Variants in GPC6 observed in about 807,000 individuals in gnomAD.
GPC6 encodes glypican-6.
In GPC6, 14 loss-of-function variants were observed where a neutral mutation model predicts 55.2. The observed-to-expected ratio is 0.25, with a 90% CI of 0.17 to 0.40. GPC6 has a LOEUF of 0.40. Among genes scored for constraint, GPC6 ranks in the 10% least tolerant of loss-of-function variants. GPC6 has a pLI of 1.00. For missense variants in GPC6, 641 were observed against 708.5 expected (o/e 0.90, Z 1.08); for synonymous variants, 278 against 259.6 (o/e 1.07, Z -0.68).
chr13:93,599,125 T>C (rs1169496886), intron 2 of GPC6, among the ~76,000 whole-genome samples: 1 of 152,198 alleles, frequency 6.6e-6, no homozygotes, highest in Non-Finnish European at 1.5e-5. Flanking sequence ...TTTACAATTA[T>C]TGAAATTATA....
rs540877944 is a variant in GPC6, at chr13:94,216,755, A to G, written c.878-69594A>G. On this transcript the variant is annotated intron_variant, in intron 4 of 8. Transcript: ENST00000377047. ...TCAGTTCATAAACTGTGATAAGACC[A>G]GCCTTTACTCCACTCCAGCCCAAAC... Among the ~76,000 whole-genome samples the G allele has an allele frequency of 4.1e-3, 630 of 152,328 alleles. 1 individual carries two copies. The highest frequency in any genetic ancestry group is 6.0e-3 in the Non-Finnish European group (411 of 68,032).
At chr13:93,641,460 A>T (rs747017843) in intron 2 of GPC6, among the ~76,000 whole-genome samples, 4 of 152,124 alleles carry the variant, frequency 2.6e-5, no homozygotes, top group Non-Finnish European at 4.4e-5. Context: ...TGCTTAACAC[A>T]CGAAGATCTT....
At chr13:93,980,214 A>T (rs950430164) in intron 3 of GPC6, among the ~76,000 whole-genome samples, 2 of 152,170 alleles carry the variant, frequency 1.3e-5, no homozygotes, top group African/African-American at 2.4e-5. Context: ...TGATGAATTT[A>T]AAAGAAAATC....
chr13:93,637,414 C>G (rs1879744452), intron 2 of GPC6, among the ~76,000 whole-genome samples: 1 of 151,976 alleles, frequency 6.6e-6, no homozygotes, highest in Non-Finnish European at 1.5e-5. Context: ...AACTAGAGGT[C>G]TCTTGCCACA....
intron 3 of GPC6, among the ~76,000 whole-genome samples, chr13:93,973,218 G>A (rs1272443878): frequency 6.6e-6 from 1 of 152,180 alleles, no homozygotes; most frequent in Non-Finnish European, 1.5e-5. Flanking sequence ...AACCTGTGCA[G>A]CATGTGACTG....
At chr13:93,828,245 T>C (rs2138976858) in intron 2 of GPC6, among the ~76,000 whole-genome samples, 1 of 152,284 alleles carries the variant, frequency 6.6e-6, no homozygotes, top group African/African-American at 2.4e-5. Context: ...TTTCCCATTC[T>C]TTTTTATCTT....
intron 2 of GPC6, among the ~76,000 whole-genome samples, chr13:93,614,294 C>G (rs1246624517): frequency 6.6e-6 from 1 of 152,140 alleles, no homozygotes; most frequent in East Asian, 1.9e-4. Flanking sequence ...AGAAGACTTT[C>G]TGTTATATCT....
intron 3 of GPC6, among the ~76,000 whole-genome samples, chr13:93,952,724 T>A (rs2140374259): frequency 6.6e-6 from 1 of 151,170 alleles, no homozygotes. Context: ...TTCACCTGTA[T>A]GTGTGTATAT....
intron 3 of GPC6, among the ~76,000 whole-genome samples, chr13:93,989,941 T>C (rs1243426998): frequency 6.7e-6 from 1 of 148,788 alleles, no homozygotes; most frequent in Non-Finnish European, 1.5e-5. Context: ...TGTATATATA[T>C]ATATTCTTTT....
At chr13:93,964,236 A>G (rs1033322087) in intron 3 of GPC6, among the ~76,000 whole-genome samples, 7 of 152,208 alleles carry the variant, frequency 4.6e-5, no homozygotes, top group Non-Finnish European at 8.8e-5. Flanking sequence ...ATAACCTTGC[A>G]TAGTGAAAAA....
chr13:93,437,699 C>G (rs918425955), intron 1 of GPC6, among the ~76,000 whole-genome samples: 9 of 152,250 alleles, frequency 5.9e-5, no homozygotes, highest in African/African-American at 2.2e-4. Flanking sequence ...TCCATGACAT[C>G]AAAGTTCAAT....
intron 4 of GPC6, among the ~76,000 whole-genome samples, chr13:94,206,357 A>C (rs1490340671): frequency 6.6e-6 from 1 of 152,046 alleles, no homozygotes; most frequent in Non-Finnish European, 1.5e-5. Flanking sequence ...TCCCACATTC[A>C]CACTACATGC....
chr13:93,421,182 A>T (rs940970710), intron 1 of GPC6, among the ~76,000 whole-genome samples: 1 of 151,990 alleles, frequency 6.6e-6, no homozygotes, highest in African/African-American at 2.4e-5. Context: ...CTGTTGGGCA[A>T]ATGGGCATGG....
intron 2 of GPC6, among the ~76,000 whole-genome samples, chr13:93,780,220 A>G (rs1483850717): frequency 1.3e-5 from 2 of 152,150 alleles, no homozygotes; most frequent in Non-Finnish European, 2.9e-5. Flanking sequence ...CAGTCAACCT[A>G]TAATTAAATA....
intron 4 of GPC6, among the ~76,000 whole-genome samples, chr13:94,151,829 C>T (rs1887753451): frequency 6.6e-6 from 1 of 152,098 alleles, no homozygotes; most frequent in Non-Finnish European, 1.5e-5. Context: ...AGGAGAATGT[C>T]TGTTATCCTT....
At chr13:93,983,587 C>A (rs371022338) in intron 3 of GPC6, among the ~76,000 whole-genome samples, 3 of 151,908 alleles carry the variant, frequency 2.0e-5, no homozygotes, top group Admixed American at 6.6e-5. Flanking sequence ...AGGCATAACC[C>A]CACTCCTACT....
intron 4 of GPC6, among the ~76,000 whole-genome samples, chr13:94,087,255 G>A (rs1401983005): frequency 1.3e-5 from 2 of 152,228 alleles, no homozygotes; most frequent in Admixed American, 1.3e-4. Context: ...TCAGAGGGCG[G>A]AGACCTGCAA....
At chr13:93,229,805 T>A (rs374298989) in intron 1 of GPC6, among the ~76,000 whole-genome samples, 2 of 152,144 alleles carry the variant, frequency 1.3e-5, no homozygotes, top group African/African-American at 4.8e-5. Flanking sequence ...CTGGTAGACA[T>A]AATCAAGATG....
intron 1 of GPC6, among the ~76,000 whole-genome samples, chr13:93,359,064 G>T (rs547080493): frequency 6.6e-6 from 1 of 151,014 alleles, no homozygotes; most frequent in African/African-American, 2.4e-5. Context: ...AACCTCCTGG[G>T]CTCGAGATCC....
Sources: allele counts gnomAD v4.1 joint callset (sites outside exome capture counted in the v4.1 genomes callset), GRCh38; gene constraint gnomAD v4.1.1; transcripts MANE v1.5; gene names NCBI Gene and HGNC (gene_info 2026-07-23, HGNC 2026-07-21).